Variants in CACNB2 observed in about 807,000 individuals in gnomAD.
CACNB2 encodes the protein calcium voltage-gated channel auxiliary subunit beta 2, also known as voltage-dependent L-type calcium channel subunit beta-2.
Under a neutral mutation model 73.3 loss-of-function variants are expected in CACNB2, and 42 were observed. The observed-to-expected ratio is 0.57, with a 90% CI of 0.45 to 0.74. The LOEUF is 0.74. Ranked by LOEUF, CACNB2 falls within the 30% of genes least tolerant of loss-of-function variation. The pLI is 0.00. For missense variants in CACNB2, 940 were observed against 853.0 expected, an observed-to-expected ratio of 1.10 and a Z score of -1.27; for synonymous variants, 348 against 310.3, an observed-to-expected ratio of 1.12 and a Z score of -1.28.
At chr10:18,495,394 T>G (rs1169187917) in intron 3 of CACNB2, among the ~76,000 whole-genome samples, 1 of 152,108 alleles carries the variant, frequency 6.6e-6, no homozygotes, top group Non-Finnish European at 1.5e-5. Context: ...TAATTTTGTA[T>G]TTTTAGTAGA....
intron 2 of CACNB2, chr10:18,400,551 C>T (rs2043939362): frequency 3.9e-6 from 4 of 1,020,274 alleles, no homozygotes; most frequent in Non-Finnish European, 2.4e-6. Context: ...GCGTCCTCCT[C>T]CCTCCGCCTC....
chr10:18,484,157 G>A (rs767083980), intron 3 of CACNB2, among the ~76,000 whole-genome samples: 1 of 152,188 alleles, frequency 6.6e-6, no homozygotes, highest in Non-Finnish European at 1.5e-5. Context: ...ACTTTGGAAG[G>A]CCAAGGCGGG....
At chr10:18,513,912 C>A (rs142659790) in intron 6 of CACNB2, among the ~76,000 whole-genome samples, 1 of 152,152 alleles carries the variant, frequency 6.6e-6, no homozygotes, top group African/African-American at 2.4e-5. Flanking sequence ...CTGTACTGCA[C>A]TTTTATACAG....
rs1554779378 is a variant in CACNB2, at chr10:18,259,570, A to AAAAAAAAAAAAAAAAAAAGAAAAC, written c.213+108600_213+108601insAAAAAAAAAAAAAGAAAACAAAAA. 2.6e-5 allele frequency among the ~76,000 whole-genome samples: 3 copies of AAAAAAAAAAAAAAAAAAAGAAAAC among 116,954 alleles called. 1 individual carries two copies. Among genetic ancestry groups the AAAAAAAAAAAAAAAAAAAGAAAAC allele is most frequent in the South Asian group, 2.5e-4 (1 of 4,044 alleles). 76.7% of individuals were successfully genotyped at this position (116,954 alleles called of 152,430 possible). On this transcript the variant is annotated intron_variant, in intron 2 of 13. Transcript: ENST00000324631. ...AAAAAAAACAAAAAACAAACAAAAAAAAAAAGTAAAAGTAGCCAGGCATGG... is the reference window on the plus strand; with the variant it reads ...AAAAAAAACAAAAAACAAACAAAAAAAAAAAAAAAAAAAAAAAAGAAAACAAAAAGTAAAAGTAGCCAGGCATGG...
intron 3 of CACNB2, among the ~76,000 whole-genome samples, chr10:18,483,721 G>A (rs1419764924): frequency 3.3e-5 from 5 of 152,126 alleles, no homozygotes; most frequent in South Asian, 2.1e-4. Flanking sequence ...GTGTCTCCCC[G>A]TGCTTGTCAG....
intron 1 of CACNB2, among the ~76,000 whole-genome samples, chr10:18,149,004 CAA>C (rs373972824): frequency 9.1e-5 from 10 of 110,464 alleles, no homozygotes; most frequent in Admixed American, 2.0e-4. Flanking sequence ...GACACTGTCT[CAA>C]AAAAAAAAAA....
intron 2 of CACNB2, 102 bp from the exon 3 acceptor site, chr10:18,401,822 A>G: frequency 8.7e-7 from 1 of 1,148,450 alleles, no homozygotes; most frequent in Admixed American, 1.7e-5. Context: ...TTTTCAGGAA[A>G]GTATAGAACA....
rs2133284616 is a variant in CACNB2 at position 18,534,232 on chromosome 10, G to A, written c.1206+5G>A. On this transcript the variant is annotated splice_donor_5th_base_variant and intron_variant, in intron 11 of 13. Coordinates refer to ENST00000324631, the MANE Select transcript of CACNB2 (RefSeq NM_201596.3). The stretch of plus-strand genomic sequence containing the variant: ...GTAAAGATTTCTTCTCCTAAGGTAA[G>A]TAGGACTGCTACTGTTTGCTCTATA... 6.2e-7 allele frequency: 1 copy of A among 1,608,098 alleles called. No homozygotes were observed. The highest frequency in any genetic ancestry group is 8.5e-7 in the Non-Finnish European group (1 of 1,174,662).
intron 2 of CACNB2, among the ~76,000 whole-genome samples, chr10:18,372,746 T>C (rs1295722027): frequency 1.3e-5 from 2 of 152,142 alleles, no homozygotes; most frequent in Non-Finnish European, 2.9e-5. Context: ...TTCTTCCTCA[T>C]TTATGTGTCC....
At chr10:18,235,854 A>AGG (rs1317010322) in intron 2 of CACNB2, among the ~76,000 whole-genome samples, 7 of 151,322 alleles carry the variant, frequency 4.6e-5, no homozygotes, top group African/African-American at 7.3e-5. Context: ...ATGTTGGAGG[A>AGG]GGGGGCTGGT....
At chr10:18,517,390 T>A (rs2051387028) in intron 7 of CACNB2, among the ~76,000 whole-genome samples, 1 of 152,210 alleles carries the variant, frequency 6.6e-6, no homozygotes, top group Non-Finnish European at 1.5e-5. Context: ...GGAAAGATGT[T>A]ATTTTACCAT....
chr10:18,516,294 T>C (rs1301372624), intron 7 of CACNB2, among the ~76,000 whole-genome samples: 1 of 152,104 alleles, frequency 6.6e-6, no homozygotes, highest in Non-Finnish European at 1.5e-5. Flanking sequence ...TCATTCTTCA[T>C]AGGGCACAAA....
chr10:18,279,297 A>C (rs1401251712), intron 2 of CACNB2, among the ~76,000 whole-genome samples: 1 of 152,198 alleles, frequency 6.6e-6, no homozygotes, highest in Non-Finnish European at 1.5e-5. Flanking sequence ...CAATGATCAC[A>C]GTCAGTAAGA....
intron 3 of CACNB2, among the ~76,000 whole-genome samples, chr10:18,417,360 C>CTTTTTTTTT (rs34847923): frequency 1.1e-5 from 1 of 87,016 alleles, no homozygotes; most frequent in African/African-American, 5.2e-5. Context: ...GCTAAAAATT[C>CTTTTTTTTT]TTTTTTTTTT....
At chr10:18,252,685 A>G (rs1468331103) in intron 2 of CACNB2, among the ~76,000 whole-genome samples, 1 of 152,206 alleles carries the variant, frequency 6.6e-6, no homozygotes, top group African/African-American at 2.4e-5. Context: ...ATAATTTGTC[A>G]TAGTGCTTAT....
At chr10:18,171,587 TAA>T (rs974444420) in intron 2 of CACNB2, among the ~76,000 whole-genome samples, 9 of 104,376 alleles carry the variant, frequency 8.6e-5, no homozygotes, top group Non-Finnish European at 1.2e-4. Context: ...AATTCCAGTT[TAA>T]AAAAAAAAAA....
chr10:18,514,146 T>A, intron 6 of CACNB2, 90 bp from the exon 7 acceptor site: 1 of 1,388,114 alleles, frequency 7.2e-7, no homozygotes, highest in Non-Finnish European at 1.0e-6. Context: ...TTTTTTTTAC[T>A]ATGGTTAGTT....
At chr10:18,458,036 C>A (rs10741073) in intron 3 of CACNB2, among the ~76,000 whole-genome samples, 69,697 of 152,000 alleles carry the variant, frequency 0.46, 17,458 homozygotes, top group Non-Finnish European at 0.57. Flanking sequence ...TTTCACTAAG[C>A]CAGAAAATTA....
chr10:18,346,533 A>G (rs2041463307), intron 2 of CACNB2, among the ~76,000 whole-genome samples: 2 of 152,154 alleles, frequency 1.3e-5, no homozygotes, highest in African/African-American at 2.4e-5. Flanking sequence ...ACAAATAGTC[A>G]TCACTTTTCC....
Sources: allele counts gnomAD v4.1 joint callset (sites outside exome capture counted in the v4.1 genomes callset), GRCh38; gene constraint gnomAD v4.1.1; transcripts MANE v1.5; gene names NCBI Gene and HGNC (gene_info 2026-07-23, HGNC 2026-07-21).